ASS1: variants seen among roughly 807,000 people sequenced by gnomAD.
ASS1 encodes the protein argininosuccinate synthase.
In ASS1, 58 loss-of-function variants were observed where a neutral mutation model predicts 60.5. The observed-to-expected ratio is 0.96, with a 90% CI of 0.78 to 1.19. ASS1 has a LOEUF of 1.19. Among genes scored for constraint, ASS1 ranks in the 50% most tolerant of loss-of-function variants. The pLI, the probability that ASS1 is intolerant of heterozygous loss-of-function variation, is 0.00. For missense variants in ASS1, 454 were observed against 547.3 expected (o/e 0.83, Z 1.70); for synonymous variants, 200 against 206.9 (o/e 0.97, Z 0.29).
rs1333271656 is a variant in ASS1 at position 130,458,509 on chromosome 9, AG to A, written c.285del (p.Arg95SerfsTer45). On this transcript the variant is annotated frameshift_variant, in exon 4 of 15. Transcript: ENST00000352480. LOFTEE classifies it high-confidence loss of function. ...DRYLLGTSLA[R>X]PCIARKQVEI... ...CTACCTCCTGGGCACCTCTCTTGCC[AG>A]GCCCTGCATCGCCCGCAAACAAGTG... 2 of 1,612,892 alleles carry A rather than the reference AG, an allele frequency of 1.2e-6. No individual in the cohort carries two copies. The highest frequency in any genetic ancestry group is 2.7e-5 in the African/African-American group (2 of 74,888).
In ASS1 at chr9:130,476,850, C is replaced by T. The variant is rs757319617; in HGVS notation, c.598-21C>T. 2 of 1,607,604 alleles carry T rather than the reference C, an allele frequency of 1.2e-6. No homozygotes were observed. Among genetic ancestry groups the T allele is most frequent in the Non-Finnish European group, 1.7e-6 (2 of 1,174,316 alleles). ...CAGGGACTGGTATGTCATCTGCCCA[C>T]CACTTTCTGTCTTTTTTCAGAACCA... On this transcript the variant is annotated intron_variant, in intron 8 of 14. Transcript: ENST00000352480. This position sits in a 1 kb window ranked among gnomAD's most constrained non-coding sequence, Gnocchi z 4.9.
chr9:130,451,559 T>A (rs1845326177), intron 1 of ASS1: 2 of 345,426 alleles, frequency 5.8e-6, no homozygotes, highest in Non-Finnish European at 1.1e-5. Context: ...GGAGAGGGAC[T>A]GGGGCTGGGC....
chr9:130,499,157 G>A (rs1846674716), intron 13 of ASS1, among the ~76,000 whole-genome samples: 1 of 152,196 alleles, frequency 6.6e-6, no homozygotes, highest in Admixed American at 6.5e-5. Context: ...GGGCACAGCT[G>A]GCTTGGACGA....
rs1434780770 is a variant in ASS1 at position 130,470,962 on chromosome 9, ACG to A, written c.566+62_566+63del. 5.7e-6 allele frequency: 9 copies of A among 1,574,834 alleles called. No homozygotes were observed. The East Asian group carries it at 9.0e-5, about 16-fold the overall frequency. Reference sequence around the variant, plus strand: ...CCCGGGCTCATTCCAAAGGACGGCCACGCGCTGCCCCAGGACGTCCTGGTGAC... The same window carrying A: ...CCCGGGCTCATTCCAAAGGACGGCCACGCTGCCCCAGGACGTCCTGGTGAC... On this transcript the variant is annotated intron_variant, in intron 7 of 14. Coordinates refer to ENST00000352480, the MANE Select transcript of ASS1 (RefSeq NM_054012.4). The surrounding 1 kb of genome is among the most constrained non-coding windows in gnomAD (Gnocchi z 4.3).
rs1474017319 is a variant in ASS1 at position 130,499,543 on chromosome 9, C to T, written c.1166C>T (p.Thr389Ile). 3.1e-6 allele frequency: 5 copies of T among 1,613,860 alleles called. No individual in the cohort carries two copies. The highest frequency in any genetic ancestry group is 1.3e-5 in the African/African-American group (1 of 75,048). Residue 389 changes from threonine to isoleucine, a missense_variant, in exon 14 of 15, where the codon ACC (threonine) becomes ATC (isoleucine). Transcript: ENST00000352480. ...GGTGATTATGAGCCAACTGATGCCA[C>T]CGGGTTCATCAACATCAATTCCCTC... ...VQGDYEPTDATGFININSLRL... is the reference protein window; with the variant it reads ...VQGDYEPTDAIGFININSLRL...
chr9:130,463,294 T>C (rs1414036039), intron 4 of ASS1, among the ~76,000 whole-genome samples: 2 of 152,238 alleles, frequency 1.3e-5, no homozygotes, highest in Non-Finnish European at 2.9e-5. Flanking sequence ...GGGACAGAGC[T>C]GGGCTGGCGG....
At chr9:130,461,069 C>G (rs930295056) in intron 4 of ASS1, among the ~76,000 whole-genome samples, 3 of 152,040 alleles carry the variant, frequency 2.0e-5, no homozygotes, top group African/African-American at 7.3e-5. Context: ...AGAGCTGGAT[C>G]GTGAGCTTCC....
At chr9:130,492,342 C>A (rs1357148181) in intron 12 of ASS1, among the ~76,000 whole-genome samples, 1 of 152,174 alleles carries the variant, frequency 6.6e-6, no homozygotes, top group African/African-American at 2.4e-5. Context: ...GCCCACCATT[C>A]TGCTGTAATG....
intron 11 of ASS1, among the ~76,000 whole-genome samples, chr9:130,485,344 G>A (rs1422959406): frequency 1.3e-5 from 2 of 152,226 alleles, no homozygotes; most frequent in African/African-American, 4.8e-5. Context: ...CAGCCTTCTT[G>A]TTTTCCAGAT....
At chr9:130,460,615 G>A (rs1370197294) in intron 4 of ASS1, among the ~76,000 whole-genome samples, 1 of 152,170 alleles carries the variant, frequency 6.6e-6, no homozygotes, top group Non-Finnish European at 1.5e-5. Context: ...GAGCCAAGAG[G>A]CCCTGAAGGA....
chr9:130,456,700 A>G (rs1217007184), intron 3 of ASS1, among the ~76,000 whole-genome samples: 2 of 152,138 alleles, frequency 1.3e-5, no homozygotes, highest in Non-Finnish European at 2.9e-5. Context: ...TTGTAATCCT[A>G]GCACTTTGGG....
chr9:130,445,092 G>T, intron 1 of ASS1, 97 bp downstream of exon 1: 1 of 953,358 alleles, frequency 1.0e-6, no homozygotes, highest in African/African-American at 1.8e-5. Flanking sequence ...CCCGCCCCGG[G>T]GCCCGCGGAG....
rs150708442 is a variant in ASS1, at chr9:130,467,378, C to T, written c.495+579C>T. 6.7e-3 allele frequency among the ~76,000 whole-genome samples: 1,018 copies of T among 152,314 alleles called. 15 individuals carry two copies. The highest frequency in any genetic ancestry group is 0.024 in the African/African-American group (977 of 41,558). ...CAAGATCCTTAGCCGCTCCCCAGGG[C>T]ACCTTTCTTTTTAGCGACTCGATGG... On this transcript the variant is annotated intron_variant, in intron 6 of 14. Coordinates refer to ENST00000352480, the MANE Select transcript of ASS1 (RefSeq NM_054012.4).
intron 1 of ASS1, among the ~76,000 whole-genome samples, chr9:130,449,514 TC>T (rs1270227301): frequency 7.2e-5 from 11 of 152,106 alleles, no homozygotes; most frequent in African/African-American, 2.2e-4. Flanking sequence ...CAGGGGTGAC[TC>T]TCAGAGCTGG....
rs544288595 is a variant in ASS1 at position 130,494,349 on chromosome 9, G to A, written c.971-518G>A. ...ATTACTGTGACATCCCCACTCAACAGATGGGGAAACAGAGGCACAGAGAGG... is the reference window on the plus strand; with the variant it reads ...ATTACTGTGACATCCCCACTCAACAAATGGGGAAACAGAGGCACAGAGAGG... On this transcript the variant is annotated intron_variant, in intron 12 of 14. Transcript: ENST00000352480. This position sits in a 1 kb window ranked among gnomAD's most constrained non-coding sequence, Gnocchi z 4.3. Among the ~76,000 whole-genome samples, 3 of 152,330 alleles carry A rather than the reference G, an allele frequency of 2.0e-5. No homozygotes were observed. The highest frequency in any genetic ancestry group is 4.4e-5 in the Non-Finnish European group (3 of 68,030).
rs3030699 is a variant in ASS1 at position 130,484,799 on chromosome 9, GCACACACA to G, written c.838+4374_838+4381del. ...GAGAGGAGAGGGAAGAGCTTTAAAC[GCACACACA>G]CACACACACACACACACACACACGT... On this transcript the variant is annotated intron_variant, in intron 11 of 14. Coordinates refer to ENST00000352480, the MANE Select transcript of ASS1 (RefSeq NM_054012.4). Among the ~76,000 whole-genome samples, 108 of 146,692 alleles carry G rather than the reference GCACACACA, an allele frequency of 7.4e-4. 4 individuals are homozygous for G. Among genetic ancestry groups the G allele is most frequent in the South Asian group, 4.4e-4 (2 of 4,562 alleles).
chr9:130,467,732 GT>G (rs1158356311), intron 6 of ASS1, among the ~76,000 whole-genome samples: 2 of 152,160 alleles, frequency 1.3e-5, no homozygotes, highest in African/African-American at 4.8e-5. Context: ...GGTTGGTGAG[GT>G]TTCTCCCCTG....
At chr9:130,474,005 CTAG>C (rs1845942830) in intron 8 of ASS1, among the ~76,000 whole-genome samples, 135 of 131,048 alleles carry the variant, frequency 1.0e-3, no homozygotes, top group Non-Finnish European at 1.8e-3. Context: ...CCCTCTCCCC[CTAG>C]CCCCCACCCC....
intron 14 of ASS1, among the ~76,000 whole-genome samples, chr9:130,500,143 T>C (rs375366473): frequency 2.6e-5 from 4 of 152,076 alleles, no homozygotes; most frequent in Non-Finnish European, 5.9e-5. Flanking sequence ...GGCTCAGGCT[T>C]AGACCCTGGC....
Sources: allele counts gnomAD v4.1 joint callset (sites outside exome capture counted in the v4.1 genomes callset), GRCh38; gene constraint gnomAD v4.1.1; non-coding constraint Gnocchi (gnomAD v3.1); transcripts MANE v1.5; gene names NCBI Gene and HGNC (gene_info 2026-07-23, HGNC 2026-07-21).